Variants in CHCHD6 observed in about 807,000 individuals in gnomAD.
CHCHD6 encodes the protein MICOS complex subunit MIC25.
A neutral mutation model predicts 32.3 loss-of-function variants in CHCHD6; 28 were observed. The ratio of observed to expected loss-of-function variants is 0.87; its 90% CI spans 0.64 to 1.19. The LOEUF (loss-of-function observed/expected upper bound fraction) is 1.19, where lower values mean the gene tolerates loss of function less well. CHCHD6 is among the 50% of genes most tolerant of loss of function. The pLI is 0.00. For missense variants in CHCHD6, 333 were observed against 307.0 expected (o/e 1.08, Z -0.63); for synonymous variants, 122 against 117.5 (o/e 1.04, Z -0.25).
intron 6 of CHCHD6, among the ~76,000 whole-genome samples, chr3:126,929,656 C>A (rs1455558865): frequency 6.6e-6 from 1 of 152,102 alleles, no homozygotes; most frequent in African/African-American, 2.4e-5. Flanking sequence ...TCCTCTGCCT[C>A]CTGGGTTCAA....
At chr3:126,803,348 C>T (rs1327411490) in intron 4 of CHCHD6, among the ~76,000 whole-genome samples, 1 of 151,684 alleles carries the variant, frequency 6.6e-6, no homozygotes, top group African/African-American at 2.4e-5. Context: ...CACATAGGCT[C>T]AAAATAAAGG....
At chr3:126,760,284 T>G (rs1401248641) in intron 4 of CHCHD6, among the ~76,000 whole-genome samples, 1 of 152,232 alleles carries the variant, frequency 6.6e-6, no homozygotes, top group South Asian at 2.1e-4. Flanking sequence ...TCCAACAATT[T>G]TCTGCCCATT....
At position 126,958,947 on chromosome 3, in the gene CHCHD6, A is replaced by G. The variant is rs546058639; in HGVS notation, c.703-1249A>G. On this transcript the variant is annotated intron_variant, in intron 7 of 7. Transcript: ENST00000290913. ...CAAGGGCAGCTCCGAGTCTCTGTTC[A>G]TCACACACCTAACTCTTTACCGAGG... 3.8e-3 allele frequency among the ~76,000 whole-genome samples: 572 copies of G among 152,298 alleles called. 2 individuals are homozygous for G. The highest frequency in any genetic ancestry group is 5.8e-3 in the Non-Finnish European group (393 of 68,008).
intron 6 of CHCHD6, among the ~76,000 whole-genome samples, chr3:126,954,497 G>A (rs1163590984): frequency 6.6e-6 from 1 of 152,200 alleles, no homozygotes; most frequent in Non-Finnish European, 1.5e-5. Context: ...ACTCAGGCTG[G>A]GGCCACTTAG....
intron 1 of CHCHD6, among the ~76,000 whole-genome samples, chr3:126,715,292 C>T (rs1559800179): frequency 6.6e-6 from 1 of 152,294 alleles, no homozygotes; most frequent in East Asian, 1.9e-4. Context: ...CGTTCCACCT[C>T]CCTGACTCAG....
At chr3:126,854,713 G>T (rs1941598076) in intron 5 of CHCHD6, among the ~76,000 whole-genome samples, 1 of 152,004 alleles carries the variant, frequency 6.6e-6, no homozygotes, top group Non-Finnish European at 1.5e-5. Flanking sequence ...TTTCCTTTAA[G>T]TTTAGAACTG....
chr3:126,902,969 A>G (rs191527695), intron 5 of CHCHD6, among the ~76,000 whole-genome samples: 99 of 152,268 alleles, frequency 6.5e-4, no homozygotes, highest in Admixed American at 1.6e-3. Context: ...CTGAGCAGGC[A>G]GAGATTAAGT....
intron 4 of CHCHD6, among the ~76,000 whole-genome samples, chr3:126,801,083 C>T (rs1285784958): frequency 6.6e-6 from 1 of 152,224 alleles, no homozygotes; most frequent in Non-Finnish European, 1.5e-5. Context: ...ATGGAGGAGC[C>T]AAGATGGCCG....
At chr3:126,937,623 A>T (rs973641444) in intron 6 of CHCHD6, among the ~76,000 whole-genome samples, 5 of 152,190 alleles carry the variant, frequency 3.3e-5, no homozygotes, top group Admixed American at 2.6e-4. Flanking sequence ...ATTAAATCCC[A>T]TGCCTTACAG....
At chr3:126,808,308 G>A (rs948151658) in intron 4 of CHCHD6, among the ~76,000 whole-genome samples, 1 of 152,098 alleles carries the variant, frequency 6.6e-6, no homozygotes, top group African/African-American at 2.4e-5. Flanking sequence ...ATCTTGGAAG[G>A]GACATTCCAT....
At chr3:126,881,769 T>G (rs982723212) in intron 5 of CHCHD6, among the ~76,000 whole-genome samples, 5 of 152,198 alleles carry the variant, frequency 3.3e-5, no homozygotes, top group African/African-American at 1.2e-4. Flanking sequence ...AGTTCTTTGA[T>G]TAAAATTAAA....
chr3:126,766,407 G>A (rs969655303), intron 4 of CHCHD6: 6 of 575,750 alleles, frequency 1.0e-5, no homozygotes, highest in Non-Finnish European at 2.0e-5. Context: ...CACGAGAGGT[G>A]TAGAGTCGGA....
intron 6 of CHCHD6, among the ~76,000 whole-genome samples, chr3:126,946,751 CT>C (rs1261099452): frequency 1.3e-5 from 2 of 152,232 alleles, no homozygotes; most frequent in African/African-American, 4.8e-5. Context: ...GAAACCCCTC[CT>C]GAACAGCTAG....
chr3:126,759,467 G>T (rs1937083932), intron 4 of CHCHD6, among the ~76,000 whole-genome samples: 1 of 152,178 alleles, frequency 6.6e-6, no homozygotes, highest in Non-Finnish European at 1.5e-5. Flanking sequence ...TCAAGGACAT[G>T]CATTTCTTAT....
At chr3:126,857,860 A>G (rs1216810364) in intron 5 of CHCHD6, among the ~76,000 whole-genome samples, 1 of 152,228 alleles carries the variant, frequency 6.6e-6, no homozygotes, top group Admixed American at 6.5e-5. Context: ...GGTGGAGTGT[A>G]AGTTGGCATA....
At chr3:126,733,010 C>T (rs1007864194) in intron 3 of CHCHD6, 68 bp from the exon 4 acceptor site, 3 of 1,564,944 alleles carry the variant, frequency 1.9e-6, no homozygotes, top group Non-Finnish European at 2.6e-6. Context: ...GTGCGCAGAT[C>T]TTGTCTTGGC....
intron 4 of CHCHD6, among the ~76,000 whole-genome samples, chr3:126,817,798 C>T (rs1157025087): frequency 6.6e-6 from 1 of 151,682 alleles, no homozygotes; most frequent in Non-Finnish European, 1.5e-5. Flanking sequence ...TGTGGTGTCT[C>T]TGTGTGTCTG....
At chr3:126,877,126 A>T (rs900136929) in intron 5 of CHCHD6, among the ~76,000 whole-genome samples, 10 of 152,232 alleles carry the variant, frequency 6.6e-5, no homozygotes, top group African/African-American at 2.4e-4. Flanking sequence ...TTCAGAAAGA[A>T]ACTCAGGAAG....
intron 6 of CHCHD6, among the ~76,000 whole-genome samples, chr3:126,934,581 C>T (rs1011217099): frequency 8.0e-6 from 1 of 124,576 alleles, no homozygotes; most frequent in East Asian, 2.6e-4. Context: ...CTGAGTCTCG[C>T]TCTGTCGCCC....
Sources: gnomAD v4.1 joint callset for allele counts (sites outside exome capture counted in the v4.1 genomes callset) on GRCh38, gnomAD v4.1.1 for gene constraint, MANE v1.5 for transcripts, NCBI Gene and HGNC (gene_info 2026-07-23, HGNC 2026-07-21) for gene names.